Variants in MDN1 observed in about 807,000 individuals in gnomAD.
MDN1 encodes midasin.
A neutral mutation model predicts 669.2 loss-of-function variants in MDN1; 266 were observed. The ratio of observed to expected loss-of-function variants is 0.40; its 90% CI spans 0.36 to 0.44. The LOEUF (loss-of-function observed/expected upper bound fraction) is 0.44. Ranked by LOEUF, MDN1 falls within the 20% of genes least tolerant of loss-of-function variation. The pLI, the probability that MDN1 is intolerant of heterozygous loss-of-function variation, is 1.00. For missense variants in MDN1, 5,940 were observed against 6,754.0 expected, an observed-to-expected ratio of 0.88 and a Z score of 4.22; for synonymous variants, 2,385 against 2,457.1, an observed-to-expected ratio of 0.97 and a Z score of 0.87.
In MDN1 at chr6:89,674,232, C is replaced by T; in HGVS notation, c.13119G>A (p.Met4373Ile). 6.2e-7 allele frequency: 1 copy of T among 1,614,236 alleles called. No homozygotes were observed. The highest frequency in any genetic ancestry group is 2.2e-5 in the East Asian group (1 of 44,888). ...PGSQLPSGCR[M>I]RKQDHLWQQS... ...GTTGCCAAAGGTGATCCTGTTTCCG[C>T]ATCCGGCAACCAGAGGGCAGCTGAC... The change falls in exon 79 of 102, where the codon ATG becomes ATA. Residue 4373 changes from methionine to isoleucine, a missense_variant. Met to Ile is a conservative substitution (Grantham distance 10, BLOSUM62 1). Transcript: ENST00000369393.
At chr6:89,653,974 A>G (rs1809067178) in intron 93 of MDN1, among the ~76,000 whole-genome samples, 190 bp downstream of exon 93, 1 of 152,206 alleles carries the variant, frequency 6.6e-6, no homozygotes, top group East Asian at 1.9e-4. Context: ...GTGTCCTGCA[A>G]CACCCACCGC....
chr6:89,732,798 G>A, intron 33 of MDN1, 23 bp from the exon 34 acceptor site: 7 of 1,608,014 alleles, frequency 4.4e-6, no homozygotes, highest in Non-Finnish European at 6.0e-6. Context: ...AACAAAAAAA[G>A]CATTTGCTGT....
rs748157993 is a variant in MDN1 at position 89,655,867 on chromosome 6, A to C, written c.15387T>G (p.His5129Gln). The C allele has an allele frequency of 6.2e-7, 1 of 1,614,100 alleles. No individual in the cohort carries two copies. The highest frequency in any genetic ancestry group is 8.5e-7 in the Non-Finnish European group (1 of 1,180,010). ...KRLRTVDTDS[H>Q]AEQGPAQQPQ... ...GCTGCTGAGCTGGCCCCTGCTCGGC[A>C]TGGCTGTCCGTATCCACAGTCCTCA... The change falls in exon 92 of 102, where the codon CAT becomes CAG. Residue 5129 changes from histidine (H) to glutamine (Q), a missense_variant. His to Gln is a conservative substitution (Grantham distance 24, BLOSUM62 0). Transcript: ENST00000369393.
chr6:89,710,273 C>G lies in MDN1; in HGVS notation c.7765+408G>C, dbSNP rs1165717249. Reference sequence around the variant, plus strand: ...AATGATGAGCCAAAAATCTACCAAGCCAGTTTGTGGCAGAGTTGGTACCAG... The same window carrying G: ...AATGATGAGCCAAAAATCTACCAAGGCAGTTTGTGGCAGAGTTGGTACCAG... On this transcript the variant is annotated intron_variant, in intron 50 of 101. Coordinates refer to ENST00000369393, the MANE Select transcript of MDN1 (RefSeq NM_014611.3). Among the ~76,000 whole-genome samples, 4 of 152,178 alleles carry G rather than the reference C, an allele frequency of 2.6e-5. No individual in the cohort carries two copies. The East Asian group carries it at 7.7e-4, about 29-fold the overall frequency.
At chr6:89,769,201 T>A (rs1216788314) in intron 15 of MDN1, among the ~76,000 whole-genome samples, 4 of 152,200 alleles carry the variant, frequency 2.6e-5, no homozygotes, top group Admixed American at 2.0e-4. Context: ...CCCTATCCCA[T>A]CTCCTTACCC....
At chr6:89,729,193 G>A (rs1815420211) in intron 35 of MDN1, 54 bp from the exon 36 acceptor site, 2 of 1,405,116 alleles carry the variant, frequency 1.4e-6, no homozygotes, top group Non-Finnish European at 2.0e-6. Flanking sequence ...CAAATCACAT[G>A]TATGCATCAA....
chr6:89,726,203 G>A (rs1815222367), intron 37 of MDN1, among the ~76,000 whole-genome samples: 1 of 152,086 alleles, frequency 6.6e-6, no homozygotes, highest in Non-Finnish European at 1.5e-5. Context: ...GCTCATGCCT[G>A]TAATCCCAAC....
intron 15 of MDN1, among the ~76,000 whole-genome samples, chr6:89,763,332 CAAAAAAAAA>C (rs35383804): frequency 3.1e-5 from 3 of 97,100 alleles, no homozygotes; most frequent in African/African-American, 1.2e-4. Flanking sequence ...GTAGGGCACG[CAAAAAAAAA>C]AAAAAAAAAA....
At chr6:89,787,639 T>C (rs1318160157) in intron 8 of MDN1, among the ~76,000 whole-genome samples, 1 of 139,886 alleles carries the variant, frequency 7.1e-6, no homozygotes, top group Non-Finnish European at 1.5e-5. Context: ...TGTTTTAAAC[T>C]GGTTACTTAT....
chr6:89,780,197 A>G lies in MDN1; in HGVS notation c.1725+15T>C. 1 of 1,470,826 alleles carries G rather than the reference A, an allele frequency of 6.8e-7. No individual in the cohort carries two copies. Among genetic ancestry groups the G allele is most frequent in the Non-Finnish European group, 9.2e-7 (1 of 1,089,622 alleles). 91.1% of individuals were successfully genotyped at this position (1,470,826 alleles called of 1,614,324 possible). On this transcript the variant is annotated intron_variant, in intron 11 of 101. Transcript: ENST00000369393. ...ACAGAACCAAGACAAAAAAGACTGG[A>G]AAACTATATCTTACCTCTTGAAAAA...
In MDN1 at chr6:89,668,037, C is replaced by A; in HGVS notation, c.14071G>T (p.Asp4691Tyr). ...ACCTGTTCTTCATTTCCGATCTGGT[C>A]ACTCACATCCTTCATGCCCTCGCCT... ...GEGEGMKDVSDQIGNEEQVED... is the reference protein window; with the variant it reads ...GEGEGMKDVSYQIGNEEQVED... The change falls in exon 84 of 102, where the codon GAC becomes TAC. Residue 4691 changes from aspartate to tyrosine, a missense_variant. Asp to Tyr is a radical substitution (Grantham distance 160). Around this residue, in one of 5 missense-constraint regions of MDN1, gnomAD observed 2,280 missense variants for 2,576.3 expected, o/e 0.88. Transcript: ENST00000369393. The A allele has an allele frequency of 1.2e-6, 2 of 1,613,916 alleles. No individual in the cohort carries two copies. Among genetic ancestry groups the A allele is most frequent in the Non-Finnish European group, 1.7e-6 (2 of 1,179,884 alleles).
chr6:89,699,835 T>C (rs1584221021), intron 57 of MDN1, 108 bp from the exon 58 acceptor site: 1 of 1,269,992 alleles, frequency 7.9e-7, no homozygotes, highest in East Asian at 2.3e-5. Flanking sequence ...TACATTTATC[T>C]AAAAATGAAC....
rs775022055 is a variant in MDN1, at chr6:89,723,035, A to G, written c.5887T>C (p.Ser1963Pro). ...TGACCAGGATCATAACACCCAGGGGACTGGTCAACCAGCATCAACTGACAC... is the reference window on the plus strand; with the variant it reads ...TGACCAGGATCATAACACCCAGGGGGCTGGTCAACCAGCATCAACTGACAC... ...RWCQLMLVDQ[S>P]PGCYDPGQHV... The change falls in exon 40 of 102, where the codon TCC becomes CCC. Residue 1963 changes from serine to proline, a missense_variant. Ser to Pro is a moderately conservative substitution (Grantham distance 74). Coordinates refer to ENST00000369393, the MANE Select transcript of MDN1 (RefSeq NM_014611.3). The G allele has an allele frequency of 2.5e-6, 4 of 1,613,976 alleles. No homozygotes were observed. In the African/African-American group the frequency reaches 5.3e-5, roughly 22 times the overall value.
chr6:89,695,600 C>CGT lies in MDN1; in HGVS notation c.9771+4_9771+5insAC. The CGT allele has an allele frequency of 6.3e-7, 1 of 1,583,916 alleles. No individual in the cohort carries two copies. Among genetic ancestry groups the CGT allele is most frequent in the Non-Finnish European group, 8.6e-7 (1 of 1,160,050 alleles). On this transcript the variant is annotated splice_donor_region_variant and intron_variant, in intron 61 of 101. Transcript: ENST00000369393. This position sits in a 1 kb window ranked among gnomAD's most constrained non-coding sequence, Gnocchi z 4.1. Reference sequence around the variant, plus strand: ...GCCCATGCTCCATACTCTTGCCTCCCATACCTCTTCCTTGACGTAATTGAG... The same window carrying CGT: ...GCCCATGCTCCATACTCTTGCCTCCCGTATACCTCTTCCTTGACGTAATTGAG...
intron 50 of MDN1, among the ~76,000 whole-genome samples, chr6:89,709,548 A>G (rs781042053): frequency 4.6e-5 from 7 of 152,236 alleles, no homozygotes; most frequent in Non-Finnish European, 1.0e-4. Context: ...CTTGACTAGC[A>G]AAGTATTTTT....
intron 63 of MDN1, 87 bp downstream of exon 63, chr6:89,692,356 G>A (rs1812426635): frequency 3.5e-6 from 4 of 1,153,884 alleles, no homozygotes; most frequent in Non-Finnish European, 4.8e-6. Flanking sequence ...TATCTACTAG[G>A]CATGCTAATG....
rs774441685 is a variant in MDN1 at position 89,644,076 on chromosome 6, C to T, written c.16720G>A (p.Ala5574Thr). ...PYYIILRDVN[A>T]LPETLSDALR... ...GCATCGCTGAGTGTCTCAGGAAGTG[C>T]GTTTACATCTCGAAGAATGATATAG... The change falls in exon 102 of 102, where the codon GCA becomes ACA. Residue 5574 changes from alanine (A) to threonine (T), a missense_variant. This residue lies in a region of MDN1 where 2,280 missense variants were observed against 2,576.3 expected (regional missense o/e 0.88). Transcript: ENST00000369393. The T allele has an allele frequency of 3.0e-5, 49 of 1,613,944 alleles. 1 individual carries two copies. Among genetic ancestry groups the T allele is most frequent in the African/African-American group, 6.7e-5 (5 of 74,896 alleles).
At chr6:89,694,044 C>A in intron 62 of MDN1, 30 bp downstream of exon 62, 2 of 1,573,010 alleles carry the variant, frequency 1.3e-6, no homozygotes, top group Non-Finnish European at 1.8e-6. Context: ...TCAATAATCC[C>A]CAAAACAAAT....
At chr6:89,782,324 A>G (rs1364636050) in intron 9 of MDN1, among the ~76,000 whole-genome samples, 1 of 152,222 alleles carries the variant, frequency 6.6e-6, no homozygotes, top group Non-Finnish European at 1.5e-5. Context: ...AGCAGGGTAC[A>G]GTGGATCACA....
Sources: gnomAD v4.1 joint callset for allele counts (sites outside exome capture counted in the v4.1 genomes callset) on GRCh38, gnomAD v4.1.1 for gene constraint, gnomAD v4.1.1 regional missense constraint, Gnocchi (gnomAD v3.1) non-coding constraint, MANE v1.5 for transcripts, NCBI Gene and HGNC (gene_info 2026-07-23, HGNC 2026-07-21) for gene names.